FAM174B: variants seen among roughly 807,000 people sequenced by gnomAD.
The protein encoded by FAM174B is family with sequence similarity 174 member B, also known as membrane protein FAM174B.
In FAM174B, 12 loss-of-function variants were observed where a neutral mutation model predicts 10.9. The ratio of observed to expected loss-of-function variants is 1.10; its 90% CI spans 0.71 to 1.79. FAM174B has a LOEUF of 1.79. Ranked by LOEUF, FAM174B falls within the 40% of genes most tolerant of loss-of-function variation. The pLI, the probability that FAM174B is intolerant of heterozygous loss-of-function variation, is 0.00. For missense variants in FAM174B, 266 were observed against 233.3 expected (o/e 1.14, Z -0.91); for synonymous variants, 132 against 115.8 (o/e 1.14, Z -0.90).
At chr15:92,638,384 C>T (rs2050869099) in intron 1 of FAM174B, among the ~76,000 whole-genome samples, 1 of 152,184 alleles carries the variant, frequency 6.6e-6, no homozygotes. Flanking sequence ...TGCTCAGAAA[C>T]AGGTTTCGTG....
At chr15:92,620,782 T>C (rs1158878793) in intron 2 of FAM174B, among the ~76,000 whole-genome samples, 1 of 115,576 alleles carries the variant, frequency 8.7e-6, no homozygotes, top group African/African-American at 3.4e-5. Flanking sequence ...GCCACTGCAC[T>C]CCAGCCTGGA....
At chr15:92,640,333 C>G (rs2050882375) in intron 1 of FAM174B, among the ~76,000 whole-genome samples, 1 of 151,976 alleles carries the variant, frequency 6.6e-6, no homozygotes, top group African/African-American at 2.4e-5. Context: ...GGGCAGATCA[C>G]CTGAGGTCAG....
intron 1 of FAM174B, among the ~76,000 whole-genome samples, chr15:92,632,793 G>A (rs1397328161): frequency 6.6e-6 from 1 of 152,096 alleles, no homozygotes. Flanking sequence ...GAATACTGGG[G>A]ATGACAGGCG....
intron 1 of FAM174B, among the ~76,000 whole-genome samples, chr15:92,648,074 C>T (rs1475396474): frequency 6.6e-6 from 1 of 152,128 alleles, no homozygotes; most frequent in Non-Finnish European, 1.5e-5. Context: ...GTCTATAAGC[C>T]CCACTTCAAG....
In FAM174B at chr15:92,617,984, G is replaced by A. The variant is rs1358056566; in HGVS notation, c.*1472C>T. The A allele has an allele frequency of 2.9e-5, 10 of 339,618 alleles. 2 individuals are homozygous for A. The Admixed American group carries it at 4.8e-4, about 16-fold the overall frequency. The allele number at this position is 339,618 out of a possible 1,614,324, so 21.0% of individuals were successfully genotyped here. A position where few individuals can be genotyped will look rare whatever the true frequency, so the allele number is the denominator to read the frequency against. ...CGAAACTGCCTTCCTGGCAGGCGGA[G>A]GCTGCCGAGCTCCCATGCCCCTTCC... is the stretch of plus-strand genomic sequence containing the variant. On this transcript the variant is annotated 3_prime_UTR_variant, in exon 3 of 3. Transcript: ENST00000327355.
At position 92,618,728 on chromosome 15, in the gene FAM174B, GCACACGCACACACGTGCA is replaced by G. The variant is rs1258376623; in HGVS notation, c.*710_*727del. 3.3e-3 allele frequency: 491 copies of G among 148,652 alleles called. 1 individual carries two copies. Among genetic ancestry groups the G allele is most frequent in the Middle Eastern group, 9.9e-3 (3 of 302 alleles). The allele number at this position is 148,652 out of a possible 1,614,324, so 9.2% of individuals were successfully genotyped here. On this transcript the variant is annotated 3_prime_UTR_variant, in exon 3 of 3. Coordinates refer to ENST00000327355, the MANE Select transcript of FAM174B (RefSeq NM_207446.3). ...ACTGTTTTATAGGTATCACACACGT[GCACACGCACACACGTGCA>G]CACACACACACACACACACGCACAG...
chr15:92,644,538 G>A (rs1043042440), intron 1 of FAM174B, among the ~76,000 whole-genome samples: 9 of 152,062 alleles, frequency 5.9e-5, no homozygotes, highest in African/African-American at 2.2e-4. Context: ...GGGAGACCCT[G>A]GATGCACCCT....
At chr15:92,628,920 TA>T (rs1436111840) in intron 2 of FAM174B, among the ~76,000 whole-genome samples, 1 of 152,214 alleles carries the variant, frequency 6.6e-6, no homozygotes, top group Admixed American at 6.5e-5. Flanking sequence ...AACATTTTTT[TA>T]AATACCTAAT....
intron 1 of FAM174B, among the ~76,000 whole-genome samples, chr15:92,652,873 T>TACAGGGGAGCGTGGG (rs1463057266): frequency 6.6e-6 from 1 of 152,040 alleles, no homozygotes; most frequent in Non-Finnish European, 1.5e-5. Context: ...TAACCAAGGT[T>TACAGGGGAGCGTGGG]ACAGGGGAGC....
At chr15:92,645,875 C>G (rs974154126) in intron 1 of FAM174B, among the ~76,000 whole-genome samples, 2 of 152,152 alleles carry the variant, frequency 1.3e-5, no homozygotes, top group Non-Finnish European at 2.9e-5. Context: ...ACCACCCACT[C>G]CTTCTAGGCA....
At chr15:92,630,657 G>C (rs796924481) in intron 1 of FAM174B, among the ~76,000 whole-genome samples, 1 of 147,878 alleles carries the variant, frequency 6.8e-6, no homozygotes, top group Admixed American at 6.8e-5. Flanking sequence ...AACTCAGTAA[G>C]CAAGATAAAT....
intron 1 of FAM174B, among the ~76,000 whole-genome samples, chr15:92,652,585 G>A (rs187374909): frequency 6.6e-6 from 1 of 152,138 alleles, no homozygotes; most frequent in Non-Finnish European, 1.5e-5. Flanking sequence ...GATGAGACAG[G>A]CATTCCTGCA....
intron 2 of FAM174B, among the ~76,000 whole-genome samples, chr15:92,623,340 C>T (rs1056517364): frequency 7.9e-5 from 12 of 152,146 alleles, no homozygotes; most frequent in African/African-American, 2.7e-4. Context: ...GCCCCCTTCT[C>T]ATCCCCCAGA....
rs1222387476 is a variant in FAM174B, at chr15:92,655,636, G to A, written c.24C>T (p.Ala8=). 3.2e-6 allele frequency: 4 copies of A among 1,255,430 alleles called. No individual in the cohort carries two copies. The highest frequency in any genetic ancestry group is 3.3e-5 in the East Asian group (1 of 30,706). 77.8% of individuals were successfully genotyped at this position (1,255,430 alleles called of 1,614,324 possible). Reference sequence around the variant, plus strand: ...CGAGCAGCAGCAGCGGCAGGAGCGGGGCGGGCAGCGGCACGGCGCGCATAG... The same window carrying A: ...CGAGCAGCAGCAGCGGCAGGAGCGGAGCGGGCAGCGGCACGGCGCGCATAG... The part of the protein sequence containing the change: MRAVPLP[A]PLLPLLLLAL... The change falls in exon 1 of 3, where the codon GCC becomes GCT. Residue 8 remains alanine (A), a synonymous_variant. Coordinates refer to ENST00000327355, the MANE Select transcript of FAM174B (RefSeq NM_207446.3).
Position 92,655,304 on chromosome 15 carries a change from G to T in FAM174B, c.344+12C>A. The T allele has an allele frequency of 6.5e-7, 1 of 1,547,354 alleles. No individual in the cohort carries two copies. The stretch of plus-strand genomic sequence containing the variant: ...CGGCCGGCGGGGGAAGGAAGAGGGC[G>T]GGAGGGCCCACCTGAAGACGCGCAG... On this transcript the variant is annotated intron_variant, in intron 1 of 2. Transcript: ENST00000327355.
chr15:92,629,303 A>G (rs538425214), intron 2 of FAM174B, among the ~76,000 whole-genome samples: 1 of 152,316 alleles, frequency 6.6e-6, no homozygotes, highest in African/African-American at 2.4e-5. Flanking sequence ...AGAAGCTCAC[A>G]TATTCAAAGT....
At chr15:92,635,106 C>T (rs933243425) in intron 1 of FAM174B, among the ~76,000 whole-genome samples, 1 of 111,338 alleles carries the variant, frequency 9.0e-6, no homozygotes, top group Middle Eastern at 4.0e-3. Context: ...GCCTCTCTCT[C>T]TCTCTCTTTC....
intron 1 of FAM174B, among the ~76,000 whole-genome samples, chr15:92,650,102 T>A (rs961759711): frequency 3.9e-5 from 6 of 152,142 alleles, no homozygotes; most frequent in South Asian, 2.1e-4. Context: ...GACAAAAAAA[T>A]TTTTAAATGG....
intron 1 of FAM174B, among the ~76,000 whole-genome samples, chr15:92,640,020 A>G (rs1284836119): frequency 6.6e-6 from 1 of 152,152 alleles, no homozygotes; most frequent in Admixed American, 6.5e-5. Flanking sequence ...CCAAATACAC[A>G]CTGGAATCTA....
Sources: allele counts gnomAD v4.1 joint callset (sites outside exome capture counted in the v4.1 genomes callset), GRCh38; gene constraint gnomAD v4.1.1; transcripts MANE v1.5; gene names NCBI Gene and HGNC (gene_info 2026-07-23, HGNC 2026-07-21).